The following KIAA1549L variants were observed in gnomAD, a reference collection of about 807,000 sequenced individuals.
KIAA1549L encodes UPF0606 protein KIAA1549L.
A neutral mutation model predicts 160.7 loss-of-function variants in KIAA1549L; 88 were observed. The observed-to-expected ratio is 0.55, with a 90% CI of 0.46 to 0.65. KIAA1549L has a LOEUF of 0.65. Among genes scored for constraint, KIAA1549L ranks in the 30% least tolerant of loss-of-function variants. The probability of loss-of-function intolerance (pLI) is 0.00; values close to 1 mark genes in which losing one functional copy is unlikely to be tolerated. For synonymous variants in KIAA1549L, 950 were observed against 976.7 expected (o/e 0.97, Z 0.51); for missense variants, 2,258 against 2,437.5 (o/e 0.93, Z 1.55).
chr11:33,555,042 A>G (rs1277877158), intron 6 of KIAA1549L, among the ~76,000 whole-genome samples: 2 of 143,396 alleles, frequency 1.4e-5, no homozygotes, highest in African/African-American at 5.3e-5. Flanking sequence ...ATGACTTTGA[A>G]CCCGTAGGCC....
intron 17 of KIAA1549L, among the ~76,000 whole-genome samples, chr11:33,651,870 T>TCC (rs1334197274): frequency 1.2e-4 from 3 of 24,246 alleles, no homozygotes; most frequent in East Asian, 3.0e-3. Context: ...TCCCCTCCCC[T>TCC]CCCCCCCTTT....
chr11:33,509,577 A>G (rs1403334836), intron 1 of KIAA1549L, among the ~76,000 whole-genome samples: 1 of 152,148 alleles, frequency 6.6e-6, no homozygotes, highest in Admixed American at 6.5e-5. Context: ...GAGCCATAAA[A>G]TTTTCATAGT....
At chr11:33,412,509 G>T (rs1439947966) in intron 1 of KIAA1549L, among the ~76,000 whole-genome samples, 1 of 152,232 alleles carries the variant, frequency 6.6e-6, no homozygotes, top group Non-Finnish European at 1.5e-5. Flanking sequence ...CATGAGGCAA[G>T]AAATGGTGTT....
At chr11:33,410,576 C>A (rs556708267) in intron 1 of KIAA1549L, among the ~76,000 whole-genome samples, 1 of 152,190 alleles carries the variant, frequency 6.6e-6, no homozygotes, top group East Asian at 1.9e-4. Context: ...CCAACATTTT[C>A]AGTCTTCATG....
intron 1 of KIAA1549L, among the ~76,000 whole-genome samples, chr11:33,423,970 C>T (rs1163349994): frequency 6.6e-6 from 1 of 151,918 alleles, no homozygotes; most frequent in Non-Finnish European, 1.5e-5. Flanking sequence ...TTGAGGCTGC[C>T]TTGAGCTGTG....
chr11:33,556,170 A>G (rs1220722765), intron 6 of KIAA1549L, among the ~76,000 whole-genome samples: 1 of 152,242 alleles, frequency 6.6e-6, no homozygotes, highest in Non-Finnish European at 1.5e-5. Flanking sequence ...AGTGTTGGTG[A>G]TAACGTGGAG....
intron 1 of KIAA1549L, among the ~76,000 whole-genome samples, chr11:33,463,125 A>G (rs1851977203): frequency 6.6e-6 from 1 of 152,172 alleles, no homozygotes; most frequent in Non-Finnish European, 1.5e-5. Flanking sequence ...CACCATGCTC[A>G]GCCAGCTTTT....
rs568455884 is a variant in KIAA1549L, at chr11:33,667,881, C to T, written c.6168C>T (p.Leu2056=). The T allele has an allele frequency of 6.2e-7, 1 of 1,611,410 alleles. No individual in the cohort carries two copies. The highest frequency in any genetic ancestry group is 1.7e-5 in the Admixed American group (1 of 59,728). Residue 2056 remains leucine, a synonymous_variant, in exon 21 of 21, where the codon CTC becomes CTT. Coordinates refer to ENST00000658780, the MANE Select transcript of KIAA1549L (RefSeq NM_012194.3). ...LPSQWADSVP[L]PGYIEAYPRS... The stretch of plus-strand genomic sequence containing the variant: ...CCCCACGCCCTCTGCAGGTGCCCCT[C>T]CCAGGGTACATCGAGGCCTACCCCC...
chr11:33,508,520 G>A (rs1452209283), intron 1 of KIAA1549L, among the ~76,000 whole-genome samples: 1 of 152,194 alleles, frequency 6.6e-6, no homozygotes, highest in Non-Finnish European at 1.5e-5. Flanking sequence ...CAGAGCATTA[G>A]GGTAGAAAAA....
At chr11:33,459,462 T>G (rs1851895051) in intron 1 of KIAA1549L, among the ~76,000 whole-genome samples, 1 of 152,204 alleles carries the variant, frequency 6.6e-6, no homozygotes, top group African/African-American at 2.4e-5. Context: ...ATTGTCTCAC[T>G]TAAGTCCTGC....
At chr11:33,523,078 A>T (rs543364612) in intron 1 of KIAA1549L, among the ~76,000 whole-genome samples, 1 of 152,310 alleles carries the variant, frequency 6.6e-6, no homozygotes, top group Non-Finnish European at 1.5e-5. Flanking sequence ...TGGAATGACA[A>T]AGAGTGTGTT....
Position 33,671,356 on chromosome 11 carries a change from T to C in KIAA1549L, c.*3202T>C, listed in dbSNP as rs1852669351. 1 of 152,122 alleles carries C rather than the reference T, an allele frequency of 6.6e-6. No homozygotes were observed. The allele number at this position is 152,122 out of a possible 1,614,324, so 9.4% of individuals were successfully genotyped here. ...TCAGGGGAGGTGCAGTAAAGGTCCATTGTGTGGCTTGAGACCTATGATCTG... is the reference window on the plus strand; with the variant it reads ...TCAGGGGAGGTGCAGTAAAGGTCCACTGTGTGGCTTGAGACCTATGATCTG... On this transcript the variant is annotated 3_prime_UTR_variant, in exon 21 of 21. Coordinates refer to ENST00000658780, the MANE Select transcript of KIAA1549L (RefSeq NM_012194.3).
rs144411621 is a variant in KIAA1549L at position 33,405,628 on chromosome 11, G to A, written c.238+28739G>A. Among the ~76,000 whole-genome samples the A allele has an allele frequency of 6.3e-3, 957 of 151,324 alleles. 13 individuals carry two copies. The highest frequency in any genetic ancestry group is 0.022 in the African/African-American group (920 of 41,226). On this transcript the variant is annotated intron_variant, in intron 1 of 20. Transcript: ENST00000658780. ...GGAGGCCGAGGTGGGTGGATCACAA[G>A]GTTGACAGATAGAGAACATCCTGGC... is the stretch of plus-strand genomic sequence containing the variant.
intron 1 of KIAA1549L, among the ~76,000 whole-genome samples, chr11:33,377,276 C>T (rs1257262567): frequency 1.3e-5 from 2 of 152,264 alleles, no homozygotes; most frequent in Middle Eastern, 6.8e-3. Context: ...CATGAAATGG[C>T]TAGAGAGTTT....
chr11:33,380,257 T>C (rs1376482294), intron 1 of KIAA1549L, among the ~76,000 whole-genome samples: 1 of 152,184 alleles, frequency 6.6e-6, no homozygotes, highest in African/African-American at 2.4e-5. Context: ...CCTGTTACAA[T>C]ACCCAGCACA....
chr11:33,583,592 A>G, intron 11 of KIAA1549L, 91 bp downstream of exon 11: 1 of 1,205,016 alleles, frequency 8.3e-7, no homozygotes, highest in Non-Finnish European at 1.2e-6. Context: ...CCATTGCCAG[A>G]GCCTGCAGAA....
intron 1 of KIAA1549L, among the ~76,000 whole-genome samples, chr11:33,487,402 CTTTT>C (rs112165825): frequency 3.5e-5 from 3 of 85,550 alleles, no homozygotes; most frequent in African/African-American, 9.2e-5. Flanking sequence ...GTCTATTGTT[CTTTT>C]TTTTTTTTTT....
Position 33,543,837 on chromosome 11 carries a change from T to A in KIAA1549L, c.2274T>A (p.Asp758Glu), listed in dbSNP as rs1247095817. 3.1e-6 allele frequency: 5 copies of A among 1,614,012 alleles called. No homozygotes were observed. Among genetic ancestry groups the A allele is most frequent in the Non-Finnish European group, 4.2e-6 (5 of 1,179,882 alleles). The change falls in exon 2 of 21, where the codon GAT becomes GAA. Residue 758 changes from aspartate to glutamate, a missense_variant. By Grantham distance (45) the Asp-to-Glu change is conservative (BLOSUM62 2). This residue lies in a region of KIAA1549L where 287 missense variants were observed against 292.3 expected (regional missense o/e 0.98). Transcript: ENST00000658780. ...CTGCCGATGCCATAAAATCTCAGGATTTCAAAGATACTGCTGGGCATTCAG... is the reference window on the plus strand; with the variant it reads ...CTGCCGATGCCATAAAATCTCAGGAATTCAAAGATACTGCTGGGCATTCAG... Reference protein sequence around the residue: ...TSAADAIKSQDFKDTAGHSVT... With the variant: ...TSAADAIKSQEFKDTAGHSVT...
intron 6 of KIAA1549L, among the ~76,000 whole-genome samples, chr11:33,556,797 GTGA>G (rs370612034): frequency 3.1e-4 from 47 of 152,258 alleles, no homozygotes; most frequent in African/African-American, 1.1e-3. Context: ...ATGGATGGTG[GTGA>G]TGGTTGTACA....
Sources: allele counts gnomAD v4.1 joint callset (sites outside exome capture counted in the v4.1 genomes callset), GRCh38; gene constraint gnomAD v4.1.1; regional missense constraint gnomAD v4.1.1; transcripts MANE v1.5; gene names NCBI Gene and HGNC (gene_info 2026-07-23, HGNC 2026-07-21).